Variants in GDF3 observed in about 807,000 individuals in gnomAD.
GDF3 encodes the protein growth differentiation factor 3, also known as growth/differentiation factor 3.
GDF3 carries 10 observed loss-of-function variants against 10.2 expected under a neutral mutation model. The observed-to-expected ratio is 0.98, with a 90% CI of 0.60 to 1.66. The LOEUF (loss-of-function observed/expected upper bound fraction) is 1.66. Among genes scored for constraint, GDF3 ranks in the 40% most tolerant of loss-of-function variants. The probability of loss-of-function intolerance (pLI) is 0.00; values close to 1 mark genes in which losing one functional copy is unlikely to be tolerated. For missense variants in GDF3, 450 were observed against 438.3 expected (o/e 1.03, Z -0.24); for synonymous variants, 166 against 178.5 (o/e 0.93, Z 0.56).
intron 1 of GDF3, among the ~76,000 whole-genome samples, chr12:7,692,693 G>T (rs1436056680): frequency 6.6e-6 from 1 of 151,766 alleles, no homozygotes; most frequent in Non-Finnish European, 1.5e-5. Context: ...TAGTAGAGAC[G>T]GGGTTTCACC....
intron 1 of GDF3, among the ~76,000 whole-genome samples, chr12:7,691,587 A>C (rs868384950): frequency 9.2e-5 from 14 of 152,040 alleles, no homozygotes; most frequent in African/African-American, 2.7e-4. Context: ...AAAAAAAAAA[A>C]CAAAACACTT....
chr12:7,691,488 C>T (rs1434904951), intron 1 of GDF3, among the ~76,000 whole-genome samples: 1 of 150,836 alleles, frequency 6.6e-6, no homozygotes, highest in East Asian at 1.9e-4. Context: ...GGGAGATTTG[C>T]TTGAGGCCAG....
At chr12:7,692,865 A>G (rs1284953536) in intron 1 of GDF3, among the ~76,000 whole-genome samples, 1 of 150,082 alleles carries the variant, frequency 6.7e-6, no homozygotes, top group African/African-American at 2.5e-5. Flanking sequence ...CTTATCGAGA[A>G]CTCCTGAGCT....
chr12:7,691,021 G>A (rs983381423), intron 1 of GDF3, among the ~76,000 whole-genome samples: 1 of 151,930 alleles, frequency 6.6e-6, no homozygotes, highest in Admixed American at 6.6e-5. Flanking sequence ...GTGGTGGCGG[G>A]CGCCTGTAGT....
Position 7,689,855 on chromosome 12 carries a change from C to T in GDF3, c.*23G>A. 1 of 1,462,992 alleles carries T rather than the reference C, an allele frequency of 6.8e-7. No individual in the cohort carries two copies. The allele number at this position is 1,462,992 out of a possible 1,614,324, so 90.6% of individuals were successfully genotyped here. ...TAAAAGATTTACCCTAAGAACACTC[C>T]TTCTATTCCCATTTCTGACATCCTA... On this transcript the variant is annotated 3_prime_UTR_variant, in exon 2 of 2. Transcript: ENST00000329913.
rs199585440 is a variant in GDF3, at chr12:7,690,494, G to T, written c.479C>A (p.Thr160Asn). 6.2e-7 allele frequency: 1 copy of T among 1,613,872 alleles called. No homozygotes were observed. Among genetic ancestry groups the T allele is most frequent in the Non-Finnish European group, 8.5e-7 (1 of 1,179,820 alleles). ...CACAAACATTTTACCTGGCTTAGGG[G>T]TGGTCTGGCCCCACACATGAGGCTC... ...VQEPHVWGQT[T>N]PKPGKMFVLR... is the part of the protein sequence containing the mutation. The change falls in exon 2 of 2, where the codon ACC (threonine) becomes AAC (asparagine). Residue 160 changes from threonine (T) to asparagine (N), a missense_variant. Coordinates refer to ENST00000329913, the MANE Select transcript of GDF3 (RefSeq NM_020634.3).
chr12:7,692,815 T>A (rs1036388180), intron 1 of GDF3, among the ~76,000 whole-genome samples: 4 of 151,830 alleles, frequency 2.6e-5, no homozygotes, highest in African/African-American at 9.7e-5. Flanking sequence ...ATTTTTTTTT[T>A]AAGTTTTTGT....
rs753515885 is a variant in GDF3, at chr12:7,689,936, T to C, written c.1037A>G (p.Asp346Gly). The part of the protein sequence containing the change: ...PISMLYQDNN[D>G]NVILRHYEDM... ...TTCATAATGTCGTAGAATGACATTG[T>C]CATTATTGTCCTGGTAGAGCATGGA... is the stretch of plus-strand genomic sequence containing the variant. The change falls in exon 2 of 2, where the codon GAC becomes GGC. Residue 346 changes from aspartate to glycine, a missense_variant. By Grantham distance (94) the Asp-to-Gly change is moderately conservative (BLOSUM62 -1). Transcript: ENST00000329913. The C allele has an allele frequency of 6.2e-7, 1 of 1,614,012 alleles. No homozygotes were observed. The highest frequency in any genetic ancestry group is 1.1e-5 in the South Asian group (1 of 91,080).
At chr12:7,694,415 A>AATTAAAAC (rs1864161281) in intron 1 of GDF3, among the ~76,000 whole-genome samples, 1 of 151,882 alleles carries the variant, frequency 6.6e-6, no homozygotes, top group Non-Finnish European at 1.5e-5. Flanking sequence ...AAAATTAAAA[A>AATTAAAAC]ATTAAAAAAT....
chr12:7,692,277 A>G (rs1484315214), intron 1 of GDF3, among the ~76,000 whole-genome samples: 1 of 151,388 alleles, frequency 6.6e-6, no homozygotes. Context: ...AAAATACAAA[A>G]AAATTAGCCG....
intron 1 of GDF3, among the ~76,000 whole-genome samples, chr12:7,694,151 G>A (rs1319406685): frequency 1.3e-5 from 2 of 152,016 alleles, no homozygotes; most frequent in Admixed American, 1.3e-4. Flanking sequence ...TAAAAGGTGA[G>A]ACTGGGGAAG....
rs387906945 is a variant in GDF3, at chr12:7,690,059, A to G, written c.914T>C (p.Leu305Pro). ...GECPFSLTIS[L>P]NSSNYAFMQA... is the part of the protein sequence containing the mutation. ...CATGAAAGCATAATTGGAGCTGTTGAGAGAGATGGTCAGTGAGAAGGGACA... is the reference window on the plus strand; with the variant it reads ...CATGAAAGCATAATTGGAGCTGTTGGGAGAGATGGTCAGTGAGAAGGGACA... The change falls in exon 2 of 2, where the codon CTC becomes CCC. Residue 305 changes from leucine to proline, a missense_variant. Transcript: ENST00000329913. 349 of 1,614,130 alleles carry G rather than the reference A, an allele frequency of 2.2e-4. 5 individuals are homozygous for G. The South Asian group carries it at 3.7e-3, about 17-fold the overall frequency.
At position 7,690,118 on chromosome 12, in the gene GDF3, G is replaced by A; in HGVS notation, c.855C>T (p.Pro285=). ...GGCAGTAATTTGCCATGAACCCCTT[G>A]GGGGCAATGATCCACTTGTGCCAAC... The part of the protein sequence containing the change: ...DLGWHKWIIA[P]KGFMANYCHG... The change falls in exon 2 of 2, where the codon CCC becomes CCT. Residue 285 remains proline (P), a synonymous_variant. Coordinates refer to ENST00000329913, the MANE Select transcript of GDF3 (RefSeq NM_020634.3). 2 of 1,614,088 alleles carry A rather than the reference G, an allele frequency of 1.2e-6. No homozygotes were observed. Among genetic ancestry groups the A allele is most frequent in the Non-Finnish European group, 1.7e-6 (2 of 1,179,996 alleles).
In GDF3 at chr12:7,690,147, G is replaced by A; in HGVS notation, c.826C>T (p.Leu276=). ...RHQLFINFRD[L]GWHKWIIAPK... ...GCAATGATCCACTTGTGCCAACCCA[G>A]GTCCCGGAAGTTAATGAATAGCTGG... is the stretch of plus-strand genomic sequence containing the variant. Residue 276 remains leucine (L), a synonymous_variant, in exon 2 of 2, where the codon CTG becomes TTG. Coordinates refer to ENST00000329913, the MANE Select transcript of GDF3 (RefSeq NM_020634.3). The A allele has an allele frequency of 1.2e-6, 2 of 1,614,186 alleles. No individual in the cohort carries two copies. Among genetic ancestry groups the A allele is most frequent in the Non-Finnish European group, 1.7e-6 (2 of 1,180,042 alleles).
intron 1 of GDF3, among the ~76,000 whole-genome samples, chr12:7,692,534 G>C (rs1477913810): frequency 6.7e-6 from 1 of 148,664 alleles, no homozygotes; most frequent in Non-Finnish European, 1.5e-5. Context: ...TTCTGAGACG[G>C]AGTCCTGCTC....
In GDF3 at chr12:7,690,628, G is replaced by A. The variant is rs1864119330; in HGVS notation, c.345C>T (p.Ala115=). Residue 115 remains alanine (A), a synonymous_variant, in exon 2 of 2, where the codon GCC becomes GCT. Transcript: ENST00000329913. ...LQKLLYFNLS[A]IKEREQLTLA... Reference sequence around the variant, plus strand: ...ATGTCAACTGTTCCCTTTCTTTGATGGCAGACAGGTTAAAGTAGAGGAGCT... The same window carrying A: ...ATGTCAACTGTTCCCTTTCTTTGATAGCAGACAGGTTAAAGTAGAGGAGCT... 6.2e-6 allele frequency: 10 copies of A among 1,609,174 alleles called. No individual in the cohort carries two copies. Among genetic ancestry groups the A allele is most frequent in the Non-Finnish European group, 8.5e-6 (10 of 1,178,604 alleles).
rs375965543 is a variant in GDF3 at position 7,695,683 on chromosome 12, G to A, written c.46C>T (p.Leu16=). The change falls in exon 1 of 2, where the codon CTG becomes TTG. Residue 16 remains leucine (L), a synonymous_variant. Transcript: ENST00000329913. ...PDLAFSFLLI[L]ALGQAVQFQE... is the part of the protein sequence containing the mutation. ...AATTGGACTGCCTGGCCCAAAGCCA[G>A]AATTAACAGGAAGCTGAAAGCCAAA... The A allele has an allele frequency of 3.1e-6, 5 of 1,614,072 alleles. No individual in the cohort carries two copies. The highest frequency in any genetic ancestry group is 4.2e-6 in the Non-Finnish European group (5 of 1,180,026).
chr12:7,692,834 G>T (rs911954392), intron 1 of GDF3, among the ~76,000 whole-genome samples: 2 of 151,538 alleles, frequency 1.3e-5, no homozygotes, highest in East Asian at 3.9e-4. Flanking sequence ...GTAGAGATAG[G>T]GTCTCTCTAT....
At position 7,689,964 on chromosome 12, in the gene GDF3, T is replaced by C. The variant is rs1394607089; in HGVS notation, c.1009A>G (p.Ile337Val). The C allele has an allele frequency of 1.2e-6, 2 of 1,613,798 alleles. No individual in the cohort carries two copies. Among genetic ancestry groups the C allele is most frequent in the East Asian group, 4.5e-5 (2 of 44,894 alleles). Residue 337 changes from isoleucine to valine, a missense_variant, in exon 2 of 2, where the codon ATT (isoleucine) becomes GTT (valine). Coordinates refer to ENST00000329913, the MANE Select transcript of GDF3 (RefSeq NM_020634.3). ...TTATTGTCCTGGTAGAGCATGGAAATGGGAGACAGCTTGGTGGGGATACAC... is the reference window on the plus strand; with the variant it reads ...TTATTGTCCTGGTAGAGCATGGAAACGGGAGACAGCTTGGTGGGGATACAC... ...AVCIPTKLSP[I>V]SMLYQDNNDN...
Sources: allele counts gnomAD v4.1 joint callset (sites outside exome capture counted in the v4.1 genomes callset), GRCh38; gene constraint gnomAD v4.1.1; transcripts MANE v1.5; gene names NCBI Gene and HGNC (gene_info 2026-07-23, HGNC 2026-07-21).